Variants in ZNF516 observed in about 807,000 individuals in gnomAD.
ZNF516 encodes zinc finger protein 516.
A neutral mutation model predicts 79.7 loss-of-function variants in ZNF516; 19 were observed. That is an observed-to-expected ratio of 0.24 (90% CI 0.17 to 0.35). The LOEUF (loss-of-function observed/expected upper bound fraction) is 0.35, where lower values mean the gene tolerates loss of function less well. Among genes scored for constraint, ZNF516 ranks in the 10% least tolerant of loss-of-function variants. ZNF516 has a pLI of 1.00. For missense variants in ZNF516, 1,678 were observed against 1,679.5 expected, an observed-to-expected ratio of 1.00 and a Z score of 0.02; for synonymous variants, 877 against 739.5, an observed-to-expected ratio of 1.19 and a Z score of -3.02.
intron 3 of ZNF516, among the ~76,000 whole-genome samples, chr18:76,431,021 G>A (rs571581137): frequency 3.4e-4 from 52 of 152,188 alleles, no homozygotes; most frequent in African/African-American, 1.2e-3. Context: ...AATATCCCTA[G>A]CTTTTTAAAA....
At chr18:76,495,875 A>T, upstream of ZNF516, 2 of 494,610 alleles carry the variant, frequency 4.0e-6, no homozygotes, top group Non-Finnish European at 5.9e-6. Context: ...CAGGATCAAT[A>T]CATTAAGTCC....
intron 4 of ZNF516, among the ~76,000 whole-genome samples, chr18:76,373,362 AAG>A (rs2074738552): frequency 6.9e-6 from 1 of 144,526 alleles, no homozygotes; most frequent in African/African-American, 2.9e-5. Flanking sequence ...AAAGAAAGAA[AAG>A]AGATTTTTTA....
chr18:76,483,727 G>A (rs1338444216), intron 1 of ZNF516, among the ~76,000 whole-genome samples: 2 of 152,252 alleles, frequency 1.3e-5, no homozygotes, highest in Non-Finnish European at 2.9e-5. Context: ...CTTACACTCT[G>A]TATTTACTCT....
At position 76,402,619 on chromosome 18, in the gene ZNF516, T is replaced by C. The variant is rs567534961; in HGVS notation, c.1811-22316A>G. 3.3e-5 allele frequency among the ~76,000 whole-genome samples: 5 copies of C among 152,306 alleles called. No homozygotes were observed. The South Asian group carries it at 1.0e-3, about 32-fold the overall frequency. On this transcript the variant is annotated intron_variant, in intron 3 of 6. Coordinates refer to ENST00000443185, the MANE Select transcript of ZNF516 (RefSeq NM_014643.4). Reference sequence around the variant, plus strand: ...CTCGGGCACTCACGGACAGTCGTGATTGCAAAACGGGAAGTGATCTGAAGA... The same window carrying C: ...CTCGGGCACTCACGGACAGTCGTGACTGCAAAACGGGAAGTGATCTGAAGA...
At chr18:76,460,355 T>C (rs895197858) in intron 2 of ZNF516, among the ~76,000 whole-genome samples, 1 of 152,178 alleles carries the variant, frequency 6.6e-6, no homozygotes, top group Non-Finnish European at 1.5e-5. Flanking sequence ...CCTGCCTCCC[T>C]GTTACCACCT....
chr18:76,417,770 A>G (rs2145350052), intron 3 of ZNF516, among the ~76,000 whole-genome samples: 2 of 152,324 alleles, frequency 1.3e-5, no homozygotes, highest in East Asian at 3.9e-4. Context: ...TACGACTACC[A>G]TTGAGTTTCT....
At chr18:76,435,505 T>C (rs556208666) in intron 3 of ZNF516, among the ~76,000 whole-genome samples, 1 of 152,332 alleles carries the variant, frequency 6.6e-6, no homozygotes, top group Admixed American at 6.5e-5. Flanking sequence ...ATCACCGTCG[T>C]GTTCATGTGT....
intron 1 of ZNF516, among the ~76,000 whole-genome samples, chr18:76,473,196 G>C (rs1381557593): frequency 6.7e-6 from 1 of 150,234 alleles, no homozygotes; most frequent in Non-Finnish European, 1.5e-5. Context: ...AAAGAGAAAA[G>C]AAGAAAAAGC....
chr18:76,365,771 A>G (rs2074603686), intron 6 of ZNF516, among the ~76,000 whole-genome samples: 1 of 152,204 alleles, frequency 6.6e-6, no homozygotes, highest in Non-Finnish European at 1.5e-5. Flanking sequence ...ATGCCCTCAC[A>G]GCTGGGCTCC....
chr18:76,475,734 G>A (rs1216232480), intron 1 of ZNF516, among the ~76,000 whole-genome samples: 2 of 152,144 alleles, frequency 1.3e-5, no homozygotes, highest in Non-Finnish European at 2.9e-5. Flanking sequence ...GGAAATCACT[G>A]AGGGTGTGTA....
At chr18:76,413,880 T>C (rs1175551248) in intron 3 of ZNF516, among the ~76,000 whole-genome samples, 5 of 152,256 alleles carry the variant, frequency 3.3e-5, no homozygotes, top group Non-Finnish European at 7.3e-5. Context: ...TCAAGACTAG[T>C]GAACATCTGC....
In ZNF516 at chr18:76,467,155, GCCCTTCTGGGTTGGC is replaced by G. The variant is rs1373989263; in HGVS notation, c.-271-4029_-271-4015del. 6.3e-3 allele frequency among the ~76,000 whole-genome samples: 860 copies of G among 136,314 alleles called. 70 individuals carry two copies. Among genetic ancestry groups the G allele is most frequent in the African/African-American group, 0.023 (802 of 34,354 alleles). The allele number at this position is 136,314 out of a possible 152,430, so 89.4% of individuals were successfully genotyped here. A position where few individuals can be genotyped will look rare whatever the true frequency, so the allele number is the denominator to read the frequency against. ...TGTCTCTCGGAACCTGCAGCTCACA[GCCCTTCTGGGTTGGC>G]AGGAAGTCCTGCGTGTCTCTCGGAA... On this transcript the variant is annotated intron_variant, in intron 1 of 6. Coordinates refer to ENST00000443185, the MANE Select transcript of ZNF516 (RefSeq NM_014643.4). This position sits in a 1 kb window ranked among gnomAD's most constrained non-coding sequence, Gnocchi z 4.2.
At chr18:76,422,205 A>G (rs189729042) in intron 3 of ZNF516, among the ~76,000 whole-genome samples, 1 of 152,248 alleles carries the variant, frequency 6.6e-6, no homozygotes, top group Admixed American at 6.5e-5. Context: ...AGACACAGTA[A>G]ACTGTTCCTG....
chr18:76,361,001 T>A lies in ZNF516; in HGVS notation c.*1497A>T, dbSNP rs2074529886. The A allele has an allele frequency of 6.6e-6, 1 of 151,836 alleles. No individual in the cohort carries two copies. Among genetic ancestry groups the A allele is most frequent in the Non-Finnish European group, 1.5e-5 (1 of 67,976 alleles). The allele number at this position is 151,836 out of a possible 1,614,324, so 9.4% of individuals were successfully genotyped here. ...CTGTTGCTCTCGCCAGTATTAAAGG[T>A]TAGGATAATTTCTGTACATGTAAAA... is the stretch of plus-strand genomic sequence containing the variant. On this transcript the variant is annotated 3_prime_UTR_variant, in exon 7 of 7. Coordinates refer to ENST00000443185, the MANE Select transcript of ZNF516 (RefSeq NM_014643.4).
At chr18:76,426,851 T>TACAGGACAG (rs1455800385) in intron 3 of ZNF516, among the ~76,000 whole-genome samples, 1 of 152,236 alleles carries the variant, frequency 6.6e-6, no homozygotes, top group African/African-American at 2.4e-5. Context: ...AGGGCCTCAG[T>TACAGGACAG]GGCCCATCAT....
chr18:76,492,915 C>A, intron 1 of ZNF516: 2 of 985,596 alleles, frequency 2.0e-6, no homozygotes, highest in East Asian at 1.1e-4. Flanking sequence ...AATGCAGAAG[C>A]CTGCGGATGC....
Position 76,423,713 on chromosome 18 carries a change from G to A in ZNF516, c.1810+17532C>T, listed in dbSNP as rs139221503. Among the ~76,000 whole-genome samples the A allele has an allele frequency of 5.4e-4, 26 of 48,234 alleles. 1 individual carries two copies. The highest frequency in any genetic ancestry group is 4.2e-3 in the Admixed American group (18 of 4,334). The allele number at this position is 48,234 out of a possible 152,430, so 31.6% of individuals were successfully genotyped here. Reference sequence around the variant, plus strand: ...GTGAAAAGGCTCCCCCGAAACACACGCAGGTGAAAAGGCTCCCTCCTGAAA... The same window carrying A: ...GTGAAAAGGCTCCCCCGAAACACACACAGGTGAAAAGGCTCCCTCCTGAAA... On this transcript the variant is annotated intron_variant, in intron 3 of 6. Coordinates refer to ENST00000443185, the MANE Select transcript of ZNF516 (RefSeq NM_014643.4).
chr18:76,486,636 A>G (rs1185952656), intron 1 of ZNF516, among the ~76,000 whole-genome samples: 4 of 151,484 alleles, frequency 2.6e-5, no homozygotes, highest in African/African-American at 9.7e-5. Context: ...CTGAGCCAGC[A>G]CCAGCAACTC....
intron 3 of ZNF516, among the ~76,000 whole-genome samples, chr18:76,384,985 G>T (rs974418211): frequency 7.9e-5 from 12 of 152,238 alleles, no homozygotes; most frequent in African/African-American, 2.9e-4. Flanking sequence ...GCCTGGCAGC[G>T]GCCCTGTGCA....
Sources: allele counts gnomAD v4.1 joint callset (sites outside exome capture counted in the v4.1 genomes callset), GRCh38; gene constraint gnomAD v4.1.1; non-coding constraint Gnocchi (gnomAD v3.1); transcripts MANE v1.5; gene names NCBI Gene and HGNC (gene_info 2026-07-23, HGNC 2026-07-21).